OPCML: variants seen among roughly 807,000 people sequenced by gnomAD.
OPCML encodes opioid-binding protein/cell adhesion molecule.
In OPCML, 13 loss-of-function variants were observed where a neutral mutation model predicts 37.8. That is an observed-to-expected ratio of 0.34 (90% CI 0.22 to 0.55). The LOEUF (loss-of-function observed/expected upper bound fraction) is 0.55. Ranked by LOEUF, OPCML falls within the 20% of genes least tolerant of loss-of-function variation. The pLI is 0.91. For missense variants in OPCML, 341 were observed against 435.6 expected, an observed-to-expected ratio of 0.78 and a Z score of 1.93; for synonymous variants, 176 against 168.8, an observed-to-expected ratio of 1.04 and a Z score of -0.33.
chr11:133,152,372 C>T (rs189516532), intron 1 of OPCML, among the ~76,000 whole-genome samples: 1 of 152,312 alleles, frequency 6.6e-6, no homozygotes, highest in African/African-American at 2.4e-5. Context: ...CATGTGAGTG[C>T]CCACTTCGTT....
At chr11:133,450,916 T>C (rs1222990028) in intron 1 of OPCML, among the ~76,000 whole-genome samples, 1 of 151,806 alleles carries the variant, frequency 6.6e-6, no homozygotes, top group East Asian at 1.9e-4. Flanking sequence ...CTGAAAAGTA[T>C]GTAATATCAA....
chr11:132,685,204 A>G (rs990678159), intron 2 of OPCML, among the ~76,000 whole-genome samples: 3 of 152,158 alleles, frequency 2.0e-5, no homozygotes, highest in East Asian at 3.9e-4. Flanking sequence ...ATAGACAAGC[A>G]CTGGATTTTC....
chr11:133,359,001 G>A (rs947859681), intron 1 of OPCML, among the ~76,000 whole-genome samples: 3 of 151,964 alleles, frequency 2.0e-5, no homozygotes, highest in Non-Finnish European at 2.9e-5. Flanking sequence ...ATTTGGGGGA[G>A]GGGGCCTACT....
At chr11:133,237,137 T>A (rs904275372) in intron 1 of OPCML, among the ~76,000 whole-genome samples, 1 of 152,222 alleles carries the variant, frequency 6.6e-6, no homozygotes, top group East Asian at 1.9e-4. Context: ...CCAGAAGCGA[T>A]CATTTAATGA....
chr11:133,083,424 C>T (rs1948771676), intron 1 of OPCML, among the ~76,000 whole-genome samples: 1 of 152,166 alleles, frequency 6.6e-6, no homozygotes, highest in South Asian at 2.1e-4. Flanking sequence ...AGAGGGCTGG[C>T]CTGAGGGAGC....
rs137940390 is a variant in OPCML at position 132,453,275 on chromosome 11, A to G, written c.506-15916T>C. ...GCTGAGGTTAGGAAAGCTGTACTACATTGCACAGGACAGTCTCCCTTGACA... is the reference window on the plus strand; with the variant it reads ...GCTGAGGTTAGGAAAGCTGTACTACGTTGCACAGGACAGTCTCCCTTGACA... On this transcript the variant is annotated intron_variant, in intron 4 of 7. Transcript: ENST00000524381. 3.6e-3 allele frequency among the ~76,000 whole-genome samples: 555 copies of G among 152,292 alleles called. 2 individuals carry two copies. The Middle Eastern group carries it at 0.044, about 12-fold the overall frequency.
At chr11:133,523,823 C>T (rs1478108536) in intron 1 of OPCML, among the ~76,000 whole-genome samples, 2 of 152,144 alleles carry the variant, frequency 1.3e-5, no homozygotes, top group South Asian at 2.1e-4. Flanking sequence ...GGTCTTTGCT[C>T]TTGGGTGTGG....
At chr11:132,472,898 C>T (rs1211999912) in intron 4 of OPCML, among the ~76,000 whole-genome samples, 1 of 152,196 alleles carries the variant, frequency 6.6e-6, no homozygotes, top group Non-Finnish European at 1.5e-5. Flanking sequence ...AAAAATGCCT[C>T]GTATGCTCTG....
intron 2 of OPCML, among the ~76,000 whole-genome samples, chr11:132,893,336 G>A (rs1943723128): frequency 6.6e-6 from 1 of 152,228 alleles, no homozygotes; most frequent in South Asian, 2.1e-4. Context: ...GGGAAATACA[G>A]ACGCTTGACC....
intron 1 of OPCML, among the ~76,000 whole-genome samples, chr11:133,111,104 T>A (rs1949246065): frequency 6.6e-6 from 1 of 152,194 alleles, no homozygotes; most frequent in African/African-American, 2.4e-5. Context: ...ATTATTCTCC[T>A]CCTCTAAGCC....
intron 3 of OPCML, among the ~76,000 whole-genome samples, chr11:132,619,057 T>C (rs1222718203): frequency 6.6e-6 from 1 of 151,796 alleles, no homozygotes. Flanking sequence ...TGGAAGCTCC[T>C]GCGATGACTG....
chr11:132,527,702 G>GTCA (rs2096312334), intron 4 of OPCML, among the ~76,000 whole-genome samples: 1 of 151,960 alleles, frequency 6.6e-6, no homozygotes, highest in Non-Finnish European at 1.5e-5. Flanking sequence ...AGGCTATGAC[G>GTCA]AGTTAAGTTA....
intron 1 of OPCML, among the ~76,000 whole-genome samples, chr11:133,354,324 GTGGTGATGA>G (rs1592227222): frequency 1.2e-3 from 3 of 2,494 alleles, no homozygotes; most frequent in Admixed American, 4.1e-3. Flanking sequence ...AGTGGTGGTG[GTGGTGATGA>G]TGGTGGTGGT....
intron 1 of OPCML, among the ~76,000 whole-genome samples, chr11:133,236,946 C>G (rs941096730): frequency 3.3e-5 from 5 of 152,120 alleles, no homozygotes; most frequent in African/African-American, 4.8e-5. Context: ...AATGTACTCT[C>G]GTGGCAAAAC....
chr11:132,823,861 G>A (rs116946986), intron 2 of OPCML, among the ~76,000 whole-genome samples: 1 of 152,132 alleles, frequency 6.6e-6, no homozygotes, highest in Admixed American at 6.5e-5. Context: ...GCATTTACAC[G>A]GATGGCCATG....
chr11:133,392,413 C>G (rs1945191669), intron 1 of OPCML, among the ~76,000 whole-genome samples: 1 of 152,172 alleles, frequency 6.6e-6, no homozygotes, highest in African/African-American at 2.4e-5. Flanking sequence ...ACTAAGAAAA[C>G]TGTTCTAACC....
chr11:132,795,693 A>G (rs932039529), intron 2 of OPCML, among the ~76,000 whole-genome samples: 6 of 152,200 alleles, frequency 3.9e-5, no homozygotes, highest in African/African-American at 1.4e-4. Context: ...TTTTGTGACT[A>G]GTCTCTTTCA....
intron 2 of OPCML, among the ~76,000 whole-genome samples, chr11:132,888,486 G>C (rs534773714): frequency 5.1e-4 from 76 of 147,740 alleles, no homozygotes; most frequent in Non-Finnish European, 9.8e-4. Flanking sequence ...CTTTCCATTT[G>C]TTTCAGTTTC....
At chr11:133,165,134 C>T (rs188808642) in intron 1 of OPCML, among the ~76,000 whole-genome samples, 199 of 152,310 alleles carry the variant, frequency 1.3e-3, no homozygotes, top group Non-Finnish European at 1.6e-3. Flanking sequence ...TACAGTGAGC[C>T]GAGCCACAGT....
Sources: gnomAD v4.1 joint callset for allele counts (sites outside exome capture counted in the v4.1 genomes callset) on GRCh38, gnomAD v4.1.1 for gene constraint, MANE v1.5 for transcripts, NCBI Gene and HGNC (gene_info 2026-07-23, HGNC 2026-07-21) for gene names.